SCIN: variants seen among roughly 807,000 people sequenced by gnomAD.
SCIN encodes the protein adseverin.
Under a neutral mutation model 91.8 loss-of-function variants are expected in SCIN, and 91 were observed. That is an observed-to-expected ratio of 0.99 (90% CI 0.84 to 1.18). The LOEUF (loss-of-function observed/expected upper bound fraction) is 1.18. Among genes scored for constraint, SCIN ranks in the 50% most tolerant of loss-of-function variants. The pLI is 0.00. For synonymous variants in SCIN, 367 were observed against 312.6 expected (o/e 1.17, Z -1.84); for missense variants, 1,087 against 863.9 (o/e 1.26, Z -3.24).
rs1385929407 is a variant in SCIN, at chr7:12,625,136, T to C, written c.886T>C (p.Trp296Arg). 1.9e-6 allele frequency: 3 copies of C among 1,608,674 alleles called. No homozygotes were observed. Among genetic ancestry groups the C allele is most frequent in the Non-Finnish European group, 2.5e-6 (3 of 1,177,808 alleles). ...CGGGGCTGCCAAACAAATTTTCGTATGGAAAGGTAAAAAATTCCATTGACG... is the reference window on the plus strand; with the variant it reads ...CGGGGCTGCCAAACAAATTTTCGTACGGAAAGGTAAAAAATTCCATTGACG... Reference protein sequence around the residue: ...DHGAAKQIFVWKGKDANPQER... With the variant: ...DHGAAKQIFVRKGKDANPQER... Residue 296 changes from tryptophan (W) to arginine (R), a missense_variant, in exon 6 of 16, where the codon TGG becomes CGG. Trp to Arg is a moderately radical substitution (Grantham distance 101, BLOSUM62 -3). Transcript: ENST00000297029.
At chr7:12,578,244 A>T (rs1452125005) in intron 2 of SCIN, 26 bp downstream of exon 2, 14 of 1,535,350 alleles carry the variant, frequency 9.1e-6, no homozygotes, top group Non-Finnish European at 1.1e-5. Context: ...AGTTTCCATT[A>T]TGAATCCCTT....
At chr7:12,612,164 T>A (rs1783205550) in intron 4 of SCIN, among the ~76,000 whole-genome samples, 1 of 152,198 alleles carries the variant, frequency 6.6e-6, no homozygotes, top group African/African-American at 2.4e-5. Flanking sequence ...CTATGACTTT[T>A]TGTAAGTCCT....
At chr7:12,598,691 G>A (rs1421971864) in intron 3 of SCIN, among the ~76,000 whole-genome samples, 2 of 152,056 alleles carry the variant, frequency 1.3e-5, no homozygotes, top group East Asian at 1.9e-4. Context: ...CCAGGACATC[G>A]AGACCAGCTT....
intron 11 of SCIN, among the ~76,000 whole-genome samples, chr7:12,641,068 G>A (rs1783848823): frequency 6.6e-6 from 1 of 152,094 alleles, no homozygotes; most frequent in Non-Finnish European, 1.5e-5. Flanking sequence ...GTTTTTAAAT[G>A]GCTAAGTGCT....
chr7:12,587,094 C>T (rs1195355057), intron 3 of SCIN, among the ~76,000 whole-genome samples: 1 of 152,040 alleles, frequency 6.6e-6, no homozygotes, highest in African/African-American at 2.4e-5. Context: ...CGAGTGTTCC[C>T]AGTACAAATA....
Position 12,593,387 on chromosome 7 carries a change from CT to C in SCIN, c.517-11122del, listed in dbSNP as rs149591643. ...GTGGGGTTTGAGAGCCATCTTCAGC[CT>C]TTTTAAGTTTGTGCCGGATGTCAGG... is the stretch of plus-strand genomic sequence containing the variant. On this transcript the variant is annotated intron_variant, in intron 3 of 15. Coordinates refer to ENST00000297029, the MANE Select transcript of SCIN (RefSeq NM_001112706.3). 9.7e-3 allele frequency among the ~76,000 whole-genome samples: 1,473 copies of C among 152,214 alleles called. 23 individuals carry two copies. The highest frequency in any genetic ancestry group is 0.034 in the African/African-American group (1,428 of 41,510).
At chr7:12,596,573 A>G (rs568810799) in intron 3 of SCIN, 2 of 388,510 alleles carry the variant, frequency 5.1e-6, no homozygotes, top group East Asian at 1.5e-4. Context: ...TGCCTGCGTA[A>G]CTACCTGTAA....
chr7:12,578,909 G>GTTTTTTTTTTTTTTTTTTTTTT lies in SCIN; in HGVS notation c.354+706_354+707insTTTTTTTTTTTTTTTTTTTTTT. ...TAAGGCAGCCTTCAGTATAGGACAG[G>GTTTTTTTTTTTTTTTTTTTTTT]TTTTTTTTTTTTTTTGGCATCCTCC... is the stretch of plus-strand genomic sequence containing the variant. On this transcript the variant is annotated intron_variant, in intron 2 of 15. Transcript: ENST00000297029. Among the ~76,000 whole-genome samples the GTTTTTTTTTTTTTTTTTTTTTT allele has an allele frequency of 1.9e-4, 16 of 85,886 alleles. 1 individual carries two copies. Among genetic ancestry groups the GTTTTTTTTTTTTTTTTTTTTTT allele is most frequent in the African/African-American group, 3.6e-4 (7 of 19,422 alleles). The allele number at this position is 85,886 out of a possible 152,430, so 56.3% of individuals were successfully genotyped here.
At chr7:12,580,235 ATAAT>A (rs1440671380) in intron 2 of SCIN, among the ~76,000 whole-genome samples, 2 of 152,218 alleles carry the variant, frequency 1.3e-5, no homozygotes, top group Middle Eastern at 3.4e-3. Flanking sequence ...TTATTCACAT[ATAAT>A]TAATTATAAT....
chr7:12,586,665 C>T (rs558856471), intron 3 of SCIN, among the ~76,000 whole-genome samples: 14 of 152,090 alleles, frequency 9.2e-5, no homozygotes, highest in Non-Finnish European at 1.8e-4. Context: ...CAATAGCAAA[C>T]GTATGGAATC....
chr7:12,615,790 C>A (rs1015295698), intron 4 of SCIN, among the ~76,000 whole-genome samples: 2 of 151,814 alleles, frequency 1.3e-5, no homozygotes, highest in African/African-American at 4.8e-5. Flanking sequence ...ACTTGAAAAG[C>A]CATTTTTGAG....
chr7:12,628,222 A>G (rs980846893), intron 8 of SCIN, among the ~76,000 whole-genome samples: 1 of 152,176 alleles, frequency 6.6e-6, no homozygotes, highest in Admixed American at 6.6e-5. Flanking sequence ...CTTTTCTCCC[A>G]GCATCACATT....
At chr7:12,622,249 C>G (rs1347478451) in intron 4 of SCIN, among the ~76,000 whole-genome samples, 1 of 152,090 alleles carries the variant, frequency 6.6e-6, no homozygotes, top group Non-Finnish European at 1.5e-5. Context: ...AACACTTACT[C>G]TGCGTATACT....
chr7:12,653,461 G>T lies in SCIN; in HGVS notation c.*746G>T, dbSNP rs1172990238. The T allele has an allele frequency of 3.9e-5, 6 of 152,084 alleles. No individual in the cohort carries two copies. Among genetic ancestry groups the T allele is most frequent in the Admixed American group, 3.9e-4 (6 of 15,272 alleles). 9.4% of individuals were successfully genotyped at this position (152,084 alleles called of 1,614,324 possible). ...AAAAGATGTGTATACTTGCAATAAG[G>T]TTTATGTTAAGGTGGCTTTAACAAT... On this transcript the variant is annotated 3_prime_UTR_variant, in exon 16 of 16. Transcript: ENST00000297029. The surrounding 1 kb of genome is among the most constrained non-coding windows in gnomAD (Gnocchi z 4.1).
At chr7:12,571,061 G>A (rs1782259000) in intron 1 of SCIN, 76 bp downstream of exon 1, 2 of 1,437,526 alleles carry the variant, frequency 1.4e-6, no homozygotes, top group East Asian at 5.0e-5. Flanking sequence ...GAGATTTGCA[G>A]GCGTGGGAGT....
intron 9 of SCIN, among the ~76,000 whole-genome samples, chr7:12,631,603 G>A (rs941587824): frequency 6.6e-6 from 1 of 152,174 alleles, no homozygotes; most frequent in Non-Finnish European, 1.5e-5. Flanking sequence ...AAAGAAGCCT[G>A]AGCTGGCATA....
intron 5 of SCIN, among the ~76,000 whole-genome samples, chr7:12,623,819 G>C (rs1054820071): frequency 2.6e-5 from 4 of 152,058 alleles, no homozygotes; most frequent in African/African-American, 9.7e-5. Context: ...TGAATAAGTG[G>C]ATTTTTTTTC....
At chr7:12,625,431 C>CTTTTTT (rs10656602) in intron 6 of SCIN, among the ~76,000 whole-genome samples, 27 of 97,490 alleles carry the variant, frequency 2.8e-4, no homozygotes, top group African/African-American at 3.3e-4. Flanking sequence ...TTTTGCTATT[C>CTTTTTT]TTTTTTTTTT....
At chr7:12,629,012 GA>G in intron 8 of SCIN, 88 bp from the exon 9 acceptor site, 1 of 1,157,766 alleles carries the variant, frequency 8.6e-7, no homozygotes, top group Non-Finnish European at 1.2e-6. Flanking sequence ...TTTAATAATG[GA>G]TTTGAACCAA....
Sources: allele counts gnomAD v4.1 joint callset (sites outside exome capture counted in the v4.1 genomes callset), GRCh38; gene constraint gnomAD v4.1.1; non-coding constraint Gnocchi (gnomAD v3.1); transcripts MANE v1.5; gene names NCBI Gene and HGNC (gene_info 2026-07-23, HGNC 2026-07-21).